GTF2B: variants seen among roughly 807,000 people sequenced by gnomAD.
GTF2B encodes the protein general transcription factor IIB, also known as transcription initiation factor IIB.
A neutral mutation model predicts 34.6 loss-of-function variants in GTF2B; 20 were observed. The ratio of observed to expected loss-of-function variants is 0.58; its 90% CI spans 0.41 to 0.84. GTF2B has a LOEUF of 0.84. Among genes scored for constraint, GTF2B ranks in the 40% least tolerant of loss-of-function variants. The pLI is 0.00. For synonymous variants in GTF2B, 142 were observed against 132.4 expected, an observed-to-expected ratio of 1.07 and a Z score of -0.50; for missense variants, 237 against 393.3, an observed-to-expected ratio of 0.60 and a Z score of 3.36.
chr1:88,873,985 G>C (rs2100973470), intron 2 of GTF2B, among the ~76,000 whole-genome samples: 2 of 152,290 alleles, frequency 1.3e-5, no homozygotes, highest in African/African-American at 4.8e-5. Flanking sequence ...TCAGCTGTAA[G>C]AAATAATAGG....
intron 2 of GTF2B, among the ~76,000 whole-genome samples, chr1:88,869,735 C>G (rs1673645656): frequency 6.6e-6 from 1 of 152,088 alleles, no homozygotes; most frequent in Non-Finnish European, 1.5e-5. Context: ...TCAAGTAATT[C>G]TCCTGCCTCA....
At position 88,853,286 on chromosome 1, in the gene GTF2B, T is replaced by A. The variant is rs370884098; in HGVS notation, c.878A>T (p.Tyr293Phe). 3.7e-6 allele frequency: 6 copies of A among 1,609,948 alleles called. No individual in the cohort carries two copies. The South Asian group carries it at 5.5e-5, about 15-fold the overall frequency. ...AGGAAACAGATCTGGGGCTCGAGGA[T>A]AGATCAGTCTATAGGACTGTCTGAT... ...VTIRQSYRLI[Y>F]PRAPDLFPTD... Residue 293 changes from tyrosine to phenylalanine, a missense_variant, in exon 7 of 7, where the codon TAT becomes TTT. Around this residue, in one of 3 missense-constraint regions of GTF2B, gnomAD observed 78 missense variants for 116.6 expected, o/e 0.67. Coordinates refer to ENST00000370500, the MANE Select transcript of GTF2B (RefSeq NM_001514.6).
At chr1:88,862,217 TTTA>T (rs1673454813) in intron 3 of GTF2B, among the ~76,000 whole-genome samples, 1 of 152,120 alleles carries the variant, frequency 6.6e-6, no homozygotes, top group African/African-American at 2.4e-5. Context: ...CACATAGAAA[TTTA>T]TTATGTGATA....
intron 2 of GTF2B, among the ~76,000 whole-genome samples, chr1:88,873,176 CATTA>C (rs1673737477): frequency 6.8e-6 from 1 of 147,676 alleles, no homozygotes. Context: ...CACAGGATTC[CATTA>C]AGTTTTTTTT....
At chr1:88,857,690 C>CGTTTTTTTTTTTT (rs1369129929) in intron 5 of GTF2B, among the ~76,000 whole-genome samples, 5 of 5,664 alleles carry the variant, frequency 8.8e-4, no homozygotes, top group Non-Finnish European at 2.1e-3. Flanking sequence ...GTTCATCACA[C>CGTTTTTTTTTTTT]CTTTTTTTTT....
intron 2 of GTF2B, among the ~76,000 whole-genome samples, chr1:88,868,902 AT>A (rs1211815460): frequency 6.6e-6 from 1 of 151,868 alleles, no homozygotes; most frequent in Non-Finnish European, 1.5e-5. Context: ...TGCCTGACTA[AT>A]TTTTTTGTAC....
At chr1:88,885,203 C>T (rs898694837) in intron 2 of GTF2B, among the ~76,000 whole-genome samples, 1 of 152,180 alleles carries the variant, frequency 6.6e-6, no homozygotes, top group Non-Finnish European at 1.5e-5. Context: ...CTTTGGGAGG[C>T]TGAGGCTGGT....
intron 3 of GTF2B, 150 bp downstream of exon 3, chr1:88,863,831 G>A (rs188792302): frequency 1.5e-6 from 1 of 664,670 alleles, no homozygotes; most frequent in East Asian, 2.6e-5. Flanking sequence ...ACACAAGTTA[G>A]CCATCATTCA....
intron 2 of GTF2B, 27 bp from the exon 3 acceptor site, chr1:88,864,141 C>A: frequency 6.2e-7 from 1 of 1,611,892 alleles, no homozygotes; most frequent in South Asian, 1.1e-5. Context: ...ATATCTGAAT[C>A]ATTTTGTCAA....
rs149197756 is a variant in GTF2B, at chr1:88,853,111, T to A, written c.*102A>T. On this transcript the variant is annotated 3_prime_UTR_variant, in exon 7 of 7. Transcript: ENST00000370500. ...ATTCAGCCCTGGAATGCGTACCATG[T>A]CTTTTGTTTTTCCTCATGAAAGGCT... 1.9e-5 allele frequency: 19 copies of A among 1,001,834 alleles called. No homozygotes were observed. In the African/African-American group the frequency reaches 2.7e-4, roughly 14 times the overall value. The allele number at this position is 1,001,834 out of a possible 1,614,324, so 62.1% of individuals were successfully genotyped here.
At chr1:88,873,921 G>GC (rs1673756451) in intron 2 of GTF2B, among the ~76,000 whole-genome samples, 1 of 152,126 alleles carries the variant, frequency 6.6e-6, no homozygotes, top group South Asian at 2.1e-4. Context: ...AAAACTCAGG[G>GC]ACTCTTACTA....
At chr1:88,862,574 T>A (rs915183760) in intron 3 of GTF2B, among the ~76,000 whole-genome samples, 3 of 152,080 alleles carry the variant, frequency 2.0e-5, no homozygotes, top group Non-Finnish European at 4.4e-5. Context: ...GGGTTCGGCA[T>A]GGTAAACTCA....
intron 2 of GTF2B, among the ~76,000 whole-genome samples, chr1:88,881,385 C>A (rs1673936464): frequency 6.6e-6 from 1 of 152,040 alleles, no homozygotes; most frequent in South Asian, 2.1e-4. Context: ...TCAGAACATA[C>A]CCTCATCAAG....
At chr1:88,870,804 C>T (rs1212150133) in intron 2 of GTF2B, among the ~76,000 whole-genome samples, 3 of 151,734 alleles carry the variant, frequency 2.0e-5, no homozygotes, top group Non-Finnish European at 4.4e-5. Context: ...TCTATTAAAG[C>T]ATTATTCTAC....
intron 2 of GTF2B, among the ~76,000 whole-genome samples, chr1:88,884,351 C>T (rs1419755287): frequency 6.6e-6 from 1 of 152,150 alleles, no homozygotes; most frequent in African/African-American, 2.4e-5. Flanking sequence ...GAATAAACAA[C>T]TGCAAAGCAG....
chr1:88,882,743 A>T (rs1673978264), intron 2 of GTF2B, among the ~76,000 whole-genome samples: 1 of 152,218 alleles, frequency 6.6e-6, no homozygotes, highest in Admixed American at 6.5e-5. Context: ...CCAAATACCG[A>T]TATTAATCCA....
Position 88,857,191 on chromosome 1 carries a change from G to T in GTF2B, c.817+15C>A. ...ATTTCAGTTTACTGCCACACTTCCT[G>T]ATGACGAACCCTACCTTTTTGGGTC... On this transcript the variant is annotated intron_variant, in intron 6 of 6. Transcript: ENST00000370500. 1 of 1,590,734 alleles carries T rather than the reference G, an allele frequency of 6.3e-7. No homozygotes were observed. The highest frequency in any genetic ancestry group is 2.2e-5 in the East Asian group (1 of 44,626).
intron 1 of GTF2B, among the ~76,000 whole-genome samples, chr1:88,888,634 A>G (rs983809784): frequency 1.3e-5 from 2 of 152,234 alleles, no homozygotes; most frequent in Non-Finnish European, 2.9e-5. Context: ...TCTCTGCAGT[A>G]TTAAAAAGTA....
At chr1:88,867,730 A>T (rs978302684) in intron 2 of GTF2B, among the ~76,000 whole-genome samples, 3 of 152,196 alleles carry the variant, frequency 2.0e-5, no homozygotes, top group Non-Finnish European at 4.4e-5. Flanking sequence ...ATTTTCTGAA[A>T]TACCTTACCA....
Sources: gnomAD v4.1 joint callset for allele counts (sites outside exome capture counted in the v4.1 genomes callset) on GRCh38, gnomAD v4.1.1 for gene constraint, gnomAD v4.1.1 regional missense constraint, MANE v1.5 for transcripts, NCBI Gene and HGNC (gene_info 2026-07-23, HGNC 2026-07-21) for gene names.